The following UBAC2 variants were observed in gnomAD, a reference collection of about 807,000 sequenced individuals.
UBAC2 encodes ubiquitin-associated domain-containing protein 2.
In UBAC2, 26 loss-of-function variants were observed where a neutral mutation model predicts 44.0. The observed-to-expected ratio is 0.59, with a 90% CI of 0.43 to 0.82. The LOEUF is 0.82. Ranked by LOEUF, UBAC2 falls within the 40% of genes least tolerant of loss-of-function variation. UBAC2 has a pLI of 0.00. For missense variants in UBAC2, 329 were observed against 419.4 expected (o/e 0.78, Z 1.88); for synonymous variants, 155 against 154.3 (o/e 1.00, Z -0.04).
At chr13:99,364,259 A>G (rs571562769) in intron 7 of UBAC2, among the ~76,000 whole-genome samples, 4 of 151,462 alleles carry the variant, frequency 2.6e-5, no homozygotes, top group Admixed American at 6.6e-5. Flanking sequence ...TTTCATACCT[A>G]TTGAGATGAG....
chr13:99,237,267 TATATACAC>T (rs1467272893), intron 1 of UBAC2, among the ~76,000 whole-genome samples: 36 of 118,766 alleles, frequency 3.0e-4, no homozygotes, highest in Middle Eastern at 7.8e-3. Flanking sequence ...TATATATATA[TATATACAC>T]ACACACACAC....
chr13:99,216,253 C>T (rs890398717), intron 1 of UBAC2, among the ~76,000 whole-genome samples: 8 of 151,978 alleles, frequency 5.3e-5, no homozygotes, highest in African/African-American at 1.7e-4. Flanking sequence ...TATAGATGCC[C>T]GCCACCACAC....
chr13:99,261,483 C>G (rs569227492), intron 4 of UBAC2, among the ~76,000 whole-genome samples: 17 of 152,364 alleles, frequency 1.1e-4, no homozygotes, highest in African/African-American at 3.6e-4. Flanking sequence ...CTATAATCTT[C>G]TAACCCAGTT....
intron 1 of UBAC2, among the ~76,000 whole-genome samples, chr13:99,207,229 T>C (rs1328129472): frequency 6.6e-6 from 1 of 152,228 alleles, no homozygotes; most frequent in Non-Finnish European, 1.5e-5. Flanking sequence ...CACACAGGCC[T>C]GGAAGTGAGA....
intron 4 of UBAC2, among the ~76,000 whole-genome samples, chr13:99,271,614 A>G (rs9557190): frequency 2.6e-5 from 4 of 152,262 alleles, no homozygotes; most frequent in South Asian, 2.1e-4. Flanking sequence ...ATTCTTTTTT[A>G]AAAAAGCACT....
intron 4 of UBAC2, among the ~76,000 whole-genome samples, chr13:99,262,307 G>A (rs2043675224): frequency 6.6e-6 from 1 of 152,336 alleles, no homozygotes; most frequent in African/African-American, 2.4e-5. Context: ...GGTACTATCT[G>A]CAGTTTCAGG....
At chr13:99,241,309 C>T (rs964699674) in intron 2 of UBAC2, among the ~76,000 whole-genome samples, 3 of 150,618 alleles carry the variant, frequency 2.0e-5, no homozygotes, top group African/African-American at 7.3e-5. Context: ...TACCAATGTT[C>T]GCAGCAGCAT....
chr13:99,268,516 G>C (rs1364093631), intron 4 of UBAC2, among the ~76,000 whole-genome samples: 1 of 150,314 alleles, frequency 6.7e-6, no homozygotes, highest in Non-Finnish European at 1.5e-5. Flanking sequence ...GCTGAGGTGG[G>C]AGGATCACCT....
chr13:99,313,980 C>G lies in UBAC2; in HGVS notation c.390-117C>G, dbSNP rs184022549. The G allele has an allele frequency of 2.1e-4, 208 of 993,688 alleles. 3 individuals are homozygous for G. The East Asian group carries it at 3.1e-3, about 15-fold the overall frequency. The allele number at this position is 993,688 out of a possible 1,614,324, so 61.6% of individuals were successfully genotyped here. A position where few individuals can be genotyped will look rare whatever the true frequency, so the allele number is the denominator to read the frequency against. ...CATATTTGAAAATCAATATGTATAT[C>G]TAAGACCATGCTTTCAGACTGAAAT... On this transcript the variant is annotated intron_variant, in intron 4 of 8. Transcript: ENST00000403766.
intron 6 of UBAC2, among the ~76,000 whole-genome samples, chr13:99,324,077 C>T (rs187736513): frequency 2.6e-5 from 4 of 152,318 alleles, no homozygotes; most frequent in Admixed American, 2.6e-4. Context: ...ACACACAATC[C>T]ATTCCCAAAC....
chr13:99,253,234 C>G (rs1184425449), intron 4 of UBAC2, among the ~76,000 whole-genome samples: 1 of 151,858 alleles, frequency 6.6e-6, no homozygotes, highest in Non-Finnish European at 1.5e-5. Context: ...CCTTATGTAG[C>G]TCTGAGAATG....
intron 7 of UBAC2, among the ~76,000 whole-genome samples, chr13:99,354,046 G>A (rs1465505585): frequency 6.6e-6 from 1 of 152,276 alleles, no homozygotes; most frequent in Non-Finnish European, 1.5e-5. Flanking sequence ...GTGCACACGT[G>A]CAGTGCCTGT....
intron 7 of UBAC2, among the ~76,000 whole-genome samples, chr13:99,367,307 TAAG>T (rs745500683): frequency 2.6e-5 from 4 of 152,194 alleles, no homozygotes; most frequent in Non-Finnish European, 2.9e-5. Context: ...ACTTCAGTCA[TAAG>T]AAGAAGAAAG....
chr13:99,334,468 T>C (rs1314688087), intron 6 of UBAC2, among the ~76,000 whole-genome samples: 2 of 152,198 alleles, frequency 1.3e-5, no homozygotes, highest in Admixed American at 6.5e-5. Context: ...AATTATACTT[T>C]GTTTCAGTTA....
At chr13:99,277,961 C>T (rs1219636466) in intron 4 of UBAC2, among the ~76,000 whole-genome samples, 2 of 152,146 alleles carry the variant, frequency 1.3e-5, no homozygotes, top group Non-Finnish European at 2.9e-5. Flanking sequence ...GATAAATTTC[C>T]TCATGGTCTC....
chr13:99,220,115 C>T (rs565383942), intron 1 of UBAC2, among the ~76,000 whole-genome samples: 1 of 152,224 alleles, frequency 6.6e-6, no homozygotes, highest in African/African-American at 2.4e-5. Flanking sequence ...CTGTGCTTGA[C>T]GTTTTGTGGA....
intron 6 of UBAC2, among the ~76,000 whole-genome samples, chr13:99,319,748 C>T (rs1014379674): frequency 6.6e-6 from 1 of 152,154 alleles, no homozygotes; most frequent in African/African-American, 2.4e-5. Context: ...TGGCTTAGGG[C>T]CATCCTGGGG....
At position 99,327,868 on chromosome 13, in the gene UBAC2, A is replaced by T. The variant is rs566376063; in HGVS notation, c.561+9799A>T. 2.6e-5 allele frequency among the ~76,000 whole-genome samples: 4 copies of T among 152,284 alleles called. No individual in the cohort carries two copies. The South Asian group carries it at 6.2e-4, about 24-fold the overall frequency. Reference sequence around the variant, plus strand: ...TTTTGTTTATTAAGATGTTATTTACATACAATAGAACTCACCAATTTTAAG... The same window carrying T: ...TTTTGTTTATTAAGATGTTATTTACTTACAATAGAACTCACCAATTTTAAG... On this transcript the variant is annotated intron_variant, in intron 6 of 8. Transcript: ENST00000403766.
Position 99,200,865 on chromosome 13 carries a change from T to C in UBAC2, c.-44T>C. 1 of 1,282,626 alleles carries C rather than the reference T, an allele frequency of 7.8e-7. No homozygotes were observed. The highest frequency in any genetic ancestry group is 2.7e-5 in the South Asian group (1 of 36,752). 79.5% of individuals were successfully genotyped at this position (1,282,626 alleles called of 1,614,324 possible). A position where few individuals can be genotyped will look rare whatever the true frequency, so the allele number is the denominator to read the frequency against. On this transcript the variant is annotated 5_prime_UTR_variant, in exon 1 of 9. Coordinates refer to ENST00000403766, the MANE Select transcript of UBAC2 (RefSeq NM_001144072.2). The stretch of plus-strand genomic sequence containing the variant: ...GGTCGCTGGGGCTCGCACTTCAGCT[T>C]CCCCTCCCCCGGCGCCCTCTGGGGC...
Sources: gnomAD v4.1 joint callset for allele counts (sites outside exome capture counted in the v4.1 genomes callset) on GRCh38, gnomAD v4.1.1 for gene constraint, MANE v1.5 for transcripts, NCBI Gene and HGNC (gene_info 2026-07-23, HGNC 2026-07-21) for gene names.